LAMA5: variants seen among roughly 807,000 people sequenced by gnomAD.
LAMA5 encodes laminin subunit alpha-5.
LAMA5 carries 260 observed loss-of-function variants against 433.4 expected under a neutral mutation model. The observed-to-expected ratio is 0.60, with a 90% confidence interval of 0.54 to 0.66. The LOEUF (loss-of-function observed/expected upper bound fraction) is 0.66. Among genes scored for constraint, LAMA5 ranks in the 30% least tolerant of loss-of-function variants. The pLI, the probability that LAMA5 is intolerant of heterozygous loss-of-function variation, is 0.00. For synonymous variants in LAMA5, 2,620 were observed against 2,226.6 expected, an observed-to-expected ratio of 1.18 and a Z score of -4.97; for missense variants, 5,378 against 5,258.5, an observed-to-expected ratio of 1.02 and a Z score of -0.70.
At chr20:62,360,044 T>G (rs896608397) in intron 2 of LAMA5, among the ~76,000 whole-genome samples, 15 of 148,224 alleles carry the variant, frequency 1.0e-4, no homozygotes, top group African/African-American at 3.0e-4. Flanking sequence ...CCTGGCTTCC[T>G]GATGGAGGCC....
intron 2 of LAMA5, among the ~76,000 whole-genome samples, chr20:62,361,438 C>A (rs574885952): frequency 1.3e-5 from 2 of 152,352 alleles, no homozygotes; most frequent in Non-Finnish European, 2.9e-5. Context: ...CTGCAGACCA[C>A]CAAGGCTGCC....
At chr20:62,354,683 C>T (rs1003214279) in intron 2 of LAMA5, among the ~76,000 whole-genome samples, 13 of 152,140 alleles carry the variant, frequency 8.5e-5, no homozygotes, top group African/African-American at 3.1e-4. Context: ...CCCGCCTTCA[C>T]ACTCATGCAA....
chr20:62,309,101 C>A lies in LAMA5; in HGVS notation c.*235G>T. 1 of 600,382 alleles carries A rather than the reference C, an allele frequency of 1.7e-6. No homozygotes were observed. The highest frequency in any genetic ancestry group is 2.8e-6 in the Non-Finnish European group (1 of 355,490). The allele number at this position is 600,382 out of a possible 1,614,324, so 37.2% of individuals were successfully genotyped here. A position where few individuals can be genotyped will look rare whatever the true frequency, so the allele number is the denominator to read the frequency against. The stretch of plus-strand genomic sequence containing the variant: ...TTACTTTTTAATTTTTAAGGAGGAA[C>A]CAGTGATGATTGGTGACAAATCTCT... On this transcript the variant is annotated 3_prime_UTR_variant, in exon 80 of 80. Transcript: ENST00000252999.
intron 40 of LAMA5, 46 bp downstream of exon 40, chr20:62,326,631 G>A (rs963054626): frequency 1.3e-6 from 2 of 1,489,260 alleles, no homozygotes; most frequent in African/African-American, 2.8e-5. Flanking sequence ...TCCCAGATGA[G>A]CTGAGGTCCA....
intron 35 of LAMA5, 80 bp downstream of exon 35, chr20:62,328,161 G>T: frequency 6.6e-7 from 1 of 1,510,910 alleles, no homozygotes. Flanking sequence ...GAGCAGGGTG[G>T]GTGCCAGGAC....
chr20:62,338,337 C>T lies in LAMA5; in HGVS notation c.1651G>A (p.Asp551Asn). Reference sequence around the variant, plus strand: ...TGGCCTGTGTCAGGGTCACAGCGGTCATCGGCCACTCCAGGGCTGGAACAC... The same window carrying T: ...TGGCCTGTGTCAGGGTCACAGCGGTTATCGGCCACTCCAGGGCTGGAACAC... ...CQCSSPGVAD[D>N]RCDPDTGQCR... Residue 551 changes from aspartate (D) to asparagine (N), a missense_variant, in exon 13 of 80, where the codon GAC (aspartate) becomes AAC (asparagine). Physicochemically the swap from Asp to Asn is conservative, Grantham distance 23. Coordinates refer to ENST00000252999, the MANE Select transcript of LAMA5 (RefSeq NM_005560.6). The T allele has an allele frequency of 1.2e-6, 2 of 1,608,978 alleles. No individual in the cohort carries two copies. The highest frequency in any genetic ancestry group is 2.2e-5 in the East Asian group (1 of 44,738).
At chr20:62,314,488 GACCAGGC>G in intron 61 of LAMA5, 48 bp from the exon 62 acceptor site, 2 of 1,610,812 alleles carry the variant, frequency 1.2e-6, no homozygotes, top group Non-Finnish European at 1.7e-6. Context: ...GGGGACCAGG[GACCAGGC>G]ACCGCTCATT....
At position 62,314,546 on chromosome 20, in the gene LAMA5, G is replaced by C; in HGVS notation, c.8367+9C>G. ...AGCTCGGGCCGCATCCACCCAGCCA[G>C]CCTGGTACCTGGCGGCTGCCCATGT... On this transcript the variant is annotated intron_variant, in intron 61 of 79. Transcript: ENST00000252999. The C allele has an allele frequency of 1.2e-6, 2 of 1,606,906 alleles. No homozygotes were observed. The highest frequency in any genetic ancestry group is 2.2e-5 in the East Asian group (1 of 44,784).
At chr20:62,337,555 C>T (rs755097398) in intron 16 of LAMA5, 35 bp downstream of exon 16, 25 of 1,569,540 alleles carry the variant, frequency 1.6e-5, no homozygotes, top group Non-Finnish European at 2.0e-5. Flanking sequence ...CACACAGGCC[C>T]GGCACCTGGT....
In LAMA5 at chr20:62,309,837, TG is replaced by T; in HGVS notation, c.10829-3del. 6.2e-7 allele frequency: 1 copy of T among 1,611,430 alleles called. No individual in the cohort carries two copies. The highest frequency in any genetic ancestry group is 8.5e-7 in the Non-Finnish European group (1 of 1,179,576). ...GGAGCACATTCCCGCTTTTCATCAC[TG>T]GGAGAAAGGGGGACTCCTGAGGCCA... On this transcript the variant is annotated splice_polypyrimidine_tract_variant and splice_region_variant and intron_variant, in intron 78 of 79. Transcript: ENST00000252999.
rs371643921 is a variant in LAMA5, at chr20:62,322,442, T to C, written c.6173A>G (p.His2058Arg). ...GRRCDRCQEG[H>R]FGFDGCGGCR... Reference sequence around the variant, plus strand: ...GCCCCCGCAGCCATCGAAACCAAAATGTCCCTCCTGTGGCACAGGCTGGTC... The same window carrying C: ...GCCCCCGCAGCCATCGAAACCAAAACGTCCCTCCTGTGGCACAGGCTGGTC... The change falls in exon 47 of 80, where the codon CAT becomes CGT. Residue 2058 changes from histidine (H) to arginine (R), a missense_variant. His to Arg is a conservative substitution (Grantham distance 29). Coordinates refer to ENST00000252999, the MANE Select transcript of LAMA5 (RefSeq NM_005560.6). 37 of 1,583,430 alleles carry C rather than the reference T, an allele frequency of 2.3e-5. No homozygotes were observed. Among genetic ancestry groups the C allele is most frequent in the Middle Eastern group, 1.7e-4 (1 of 6,008 alleles).
At chr20:62,340,175 T>G (rs1982355803) in intron 11 of LAMA5, among the ~76,000 whole-genome samples, 1 of 151,774 alleles carries the variant, frequency 6.6e-6, no homozygotes, top group South Asian at 2.1e-4. Flanking sequence ...GCAAGGAGAA[T>G]TTGGCAAACC....
rs1200384356 is a variant in LAMA5 at position 62,346,684 on chromosome 20, G to A, written c.1189C>T (p.Gln397Ter). The change falls in exon 8 of 80, where the codon CAG becomes TAG. Residue 397 changes from glutamine (Q) to a stop codon, truncating the protein, a stop_gained and splice_region_variant. Coordinates refer to ENST00000252999, the MANE Select transcript of LAMA5 (RefSeq NM_005560.6). LOFTEE classifies it high-confidence loss of function. ...YQGGGVCIDC[Q>*]HHTTGVNCER... ...CCCAGCCCTCTAGCCCAGCCCACCT[G>A]GCAGTCGATACAGACACCCCCACCC... 9.9e-6 allele frequency: 16 copies of A among 1,612,774 alleles called. No homozygotes were observed. Among genetic ancestry groups the A allele is most frequent in the Non-Finnish European group, 1.2e-5 (14 of 1,179,560 alleles).
rs932626288 is a variant in LAMA5 at position 62,353,366 on chromosome 20, C to T, written c.451-115G>A. Reference sequence around the variant, plus strand: ...GCCACAGCAGGGGATGTGGCACCCTCGCCGCACAGGGGGCACCTCTGGGTT... The same window carrying T: ...GCCACAGCAGGGGATGTGGCACCCTTGCCGCACAGGGGGCACCTCTGGGTT... On this transcript the variant is annotated intron_variant, in intron 2 of 79. Transcript: ENST00000252999. 37 of 724,664 alleles carry T rather than the reference C, an allele frequency of 5.1e-5. 1 individual carries two copies. In the Admixed American group the frequency reaches 8.5e-4, roughly 17 times the overall value. The allele number at this position is 724,664 out of a possible 1,614,324, so 44.9% of individuals were successfully genotyped here.
At chr20:62,350,803 C>T (rs2427293) in intron 6 of LAMA5, among the ~76,000 whole-genome samples, 32,555 of 152,170 alleles carry the variant, frequency 0.21, 3,576 homozygotes, top group Non-Finnish European at 0.23. Flanking sequence ...CCAGCTGCCT[C>T]CCCCGGAACA....
intron 1 of LAMA5, among the ~76,000 whole-genome samples, chr20:62,362,874 G>A (rs1202467405): frequency 6.6e-6 from 1 of 151,944 alleles, no homozygotes; most frequent in African/African-American, 2.4e-5. Flanking sequence ...GTGGTAAGGG[G>A]GGGGGTGTGC....
At position 62,314,965 on chromosome 20, in the gene LAMA5, T is replaced by C; in HGVS notation, c.8048-18A>G. 1 of 1,584,150 alleles carries C rather than the reference T, an allele frequency of 6.3e-7. No homozygotes were observed. The highest frequency in any genetic ancestry group is 8.6e-7 in the Non-Finnish European group (1 of 1,169,116). Reference sequence around the variant, plus strand: ...GGTGGACACTGCAGAGAGGGAGACCTGAGACCTTTGCCCCCCACCGTGCCC... The same window carrying C: ...GGTGGACACTGCAGAGAGGGAGACCCGAGACCTTTGCCCCCCACCGTGCCC... On this transcript the variant is annotated intron_variant, in intron 59 of 79. Coordinates refer to ENST00000252999, the MANE Select transcript of LAMA5 (RefSeq NM_005560.6).
In LAMA5 at chr20:62,309,223, CAA is replaced by C. The variant is rs939469142; in HGVS notation, c.*111_*112del. 4 of 1,051,456 alleles carry C rather than the reference CAA, an allele frequency of 3.8e-6. No individual in the cohort carries two copies. The highest frequency in any genetic ancestry group is 3.2e-5 in the African/African-American group (2 of 61,918). 65.1% of individuals were successfully genotyped at this position (1,051,456 alleles called of 1,614,324 possible). A position where few individuals can be genotyped will look rare whatever the true frequency, so the allele number is the denominator to read the frequency against. On this transcript the variant is annotated 3_prime_UTR_variant, in exon 80 of 80. Coordinates refer to ENST00000252999, the MANE Select transcript of LAMA5 (RefSeq NM_005560.6). The stretch of plus-strand genomic sequence containing the variant: ...CTATAACTTAAACCATCTTCAGAAA[CAA>C]GATCTGTCACCCGTAGAGCTTAGAG...
At chr20:62,352,198 T>TCC in intron 4 of LAMA5, 44 bp downstream of exon 4, 1 of 1,562,586 alleles carries the variant, frequency 6.4e-7, no homozygotes, top group Non-Finnish European at 8.7e-7. Context: ...TACCCACCTC[T>TCC]CCGTTCTCCA....
Sources: allele counts gnomAD v4.1 joint callset (sites outside exome capture counted in the v4.1 genomes callset), GRCh38; gene constraint gnomAD v4.1.1; transcripts MANE v1.5; gene names NCBI Gene and HGNC (gene_info 2026-07-23, HGNC 2026-07-21).